The following SARDH variants were observed in gnomAD, a reference collection of about 807,000 sequenced individuals.
SARDH encodes sarcosine dehydrogenase.
SARDH carries 95 observed loss-of-function variants against 109.1 expected under a neutral mutation model. The ratio of observed to expected loss-of-function variants is 0.87; its 90% CI spans 0.74 to 1.03. The LOEUF (loss-of-function observed/expected upper bound fraction) is 1.03, where lower values mean the gene tolerates loss of function less well. Ranked by LOEUF, SARDH falls within the 50% of genes least tolerant of loss-of-function variation. The pLI, the probability that SARDH is intolerant of heterozygous loss-of-function variation, is 0.00. For synonymous variants in SARDH, 572 were observed against 534.8 expected (o/e 1.07, Z -0.96); for missense variants, 1,267 against 1,287.8 (o/e 0.98, Z 0.25).
chr9:133,723,174 G>C (rs1832383758), intron 6 of SARDH, among the ~76,000 whole-genome samples: 1 of 152,172 alleles, frequency 6.6e-6, no homozygotes, highest in East Asian at 1.9e-4. Flanking sequence ...TTCATGAAAT[G>C]AAAGACTTAT....
intron 6 of SARDH, among the ~76,000 whole-genome samples, chr9:133,726,905 AC>A (rs1832513118): frequency 6.6e-6 from 1 of 151,816 alleles, no homozygotes; most frequent in Admixed American, 6.6e-5. Context: ...CAGCTGCATC[AC>A]TCTGTCCTTC....
In SARDH at chr9:133,704,802, T is replaced by C; in HGVS notation, c.1554+146A>G. On this transcript the variant is annotated intron_variant, in intron 12 of 20. Transcript: ENST00000439388. This position sits in a 1 kb window ranked among gnomAD's most constrained non-coding sequence, Gnocchi z 4.5. The stretch of plus-strand genomic sequence containing the variant: ...TGGGGGCAGGTCGGCAGGGCTCGGC[T>C]TCCCGTGTGCAGAATAACTGATCAC... 1 of 681,106 alleles carries C rather than the reference T, an allele frequency of 1.5e-6. No homozygotes were observed. The highest frequency in any genetic ancestry group is 2.5e-6 in the Non-Finnish European group (1 of 392,504). 42.2% of individuals were successfully genotyped at this position (681,106 alleles called of 1,614,324 possible). A position where few individuals can be genotyped will look rare whatever the true frequency, so the allele number is the denominator to read the frequency against.
chr9:133,707,615 A>G (rs1207078230), intron 11 of SARDH, among the ~76,000 whole-genome samples: 1 of 152,142 alleles, frequency 6.6e-6, no homozygotes, highest in East Asian at 1.9e-4. Context: ...CTGTTCAACA[A>G]ACATCCCCCG....
chr9:133,669,458 TCCCCGGATACCTGTGCTTCAGACC>T (rs1830256879), intron 19 of SARDH, among the ~76,000 whole-genome samples: 1 of 150,596 alleles, frequency 6.6e-6, no homozygotes, highest in African/African-American at 2.4e-5. Flanking sequence ...GCCGCCCACT[TCCCCGGATACCTGTGCTTCAGACC>T]CCCGTGGGCA....
chr9:133,699,071 C>G (rs2502743), intron 13 of SARDH, among the ~76,000 whole-genome samples: 121,706 of 152,244 alleles, frequency 0.8, 49,537 homozygotes, highest in East Asian at 0.92. Flanking sequence ...AGACAGTCGG[C>G]TGCGGTGGCT....
At position 133,718,902 on chromosome 9, in the gene SARDH, A is replaced by G. The variant is rs762044811; in HGVS notation, c.1020+36T>C. Reference sequence around the variant, plus strand: ...CTCTCCATGCTGAGATGCAGCCCCAACTCCCTCCCATTATCCCAGGGCCCT... The same window carrying G: ...CTCTCCATGCTGAGATGCAGCCCCAGCTCCCTCCCATTATCCCAGGGCCCT... On this transcript the variant is annotated intron_variant, in intron 7 of 20. Transcript: ENST00000439388. The surrounding 1 kb of genome is among the most constrained non-coding windows in gnomAD (Gnocchi z 4.2). The G allele has an allele frequency of 3.3e-6, 5 of 1,497,274 alleles. No homozygotes were observed. Among genetic ancestry groups the G allele is most frequent in the African/African-American group, 2.8e-5 (2 of 72,250 alleles). The allele number at this position is 1,497,274 out of a possible 1,614,324, so 92.7% of individuals were successfully genotyped here. A position where few individuals can be genotyped will look rare whatever the true frequency, so the allele number is the denominator to read the frequency against.
At chr9:133,681,684 C>T (rs940283490) in intron 17 of SARDH, among the ~76,000 whole-genome samples, 1 of 152,202 alleles carries the variant, frequency 6.6e-6, no homozygotes, top group Non-Finnish European at 1.5e-5. Flanking sequence ...GGGAACGGAT[C>T]GTTAAGTTTA....
chr9:133,723,810 A>G (rs1324232085), intron 6 of SARDH, among the ~76,000 whole-genome samples: 1 of 152,164 alleles, frequency 6.6e-6, no homozygotes, highest in Non-Finnish European at 1.5e-5. Flanking sequence ...GAGTCAATTG[A>G]TTTTCAGCAA....
chr9:133,681,028 C>T lies in SARDH; in HGVS notation c.2163+4165G>A, dbSNP rs560033733. 5.3e-5 allele frequency among the ~76,000 whole-genome samples: 8 copies of T among 152,354 alleles called. No individual in the cohort carries two copies. The South Asian group carries it at 6.2e-4, about 12-fold the overall frequency. On this transcript the variant is annotated intron_variant, in intron 17 of 20. Transcript: ENST00000439388. ...CAGCCCAGGTGACAGTAAATCTGTG[C>T]GCTAAGGTCGTCTGTCTTCCTAAGG...
intron 17 of SARDH, among the ~76,000 whole-genome samples, chr9:133,675,877 G>A (rs1814545591): frequency 6.6e-6 from 1 of 152,108 alleles, no homozygotes. Flanking sequence ...GACTGCTTGA[G>A]CCCAGGAGTC....
At chr9:133,719,417 G>A (rs1244583666) in intron 6 of SARDH, among the ~76,000 whole-genome samples, 1 of 152,130 alleles carries the variant, frequency 6.6e-6, no homozygotes, top group Non-Finnish European at 1.5e-5. Context: ...AGGACGCAGA[G>A]TGGATGGAGG....
In SARDH at chr9:133,702,973, G is replaced by A; in HGVS notation, c.1611C>T (p.Ala537=). The A allele has an allele frequency of 1.2e-6, 2 of 1,613,480 alleles. No homozygotes were observed. Among genetic ancestry groups the A allele is most frequent in the Non-Finnish European group, 1.7e-6 (2 of 1,179,996 alleles). Residue 537 remains alanine, a synonymous_variant, in exon 13 of 21, where the codon GCC becomes GCT. Transcript: ENST00000439388. The stretch of plus-strand genomic sequence containing the variant: ...ACTCGTCTGCCAGCAGCCTGCGGTA[G>A]GCGTAGTCCTCGTGCGCGCGGCTCC... The part of the protein sequence containing the change: ...AYGSRAHEDY[A]YRRLLADEYT...
At chr9:133,731,839 T>C (rs1325068847) in intron 3 of SARDH, among the ~76,000 whole-genome samples, 1 of 152,132 alleles carries the variant, frequency 6.6e-6, no homozygotes, top group East Asian at 1.9e-4. Flanking sequence ...GTCTATTATA[T>C]AAGATAAATA....
At position 133,728,427 on chromosome 9, in the gene SARDH, C is replaced by G. The variant is rs1293057130; in HGVS notation, c.915+1338G>C. Among the ~76,000 whole-genome samples, 1 of 152,164 alleles carries G rather than the reference C, an allele frequency of 6.6e-6. No individual in the cohort carries two copies. The highest frequency in any genetic ancestry group is 1.5e-5 in the Non-Finnish European group (1 of 68,010). On this transcript the variant is annotated intron_variant, in intron 6 of 20. Coordinates refer to ENST00000439388, the MANE Select transcript of SARDH (RefSeq NM_001134707.2). This position sits in a 1 kb window ranked among gnomAD's most constrained non-coding sequence, Gnocchi z 5.0. ...GGCCCTGACCCTAAACAAGGGCAGTCTGTTCTCACACTGACCCTGCCCCAC... is the reference window on the plus strand; with the variant it reads ...GGCCCTGACCCTAAACAAGGGCAGTGTGTTCTCACACTGACCCTGCCCCAC...
chr9:133,715,128 C>T (rs1429874514), intron 8 of SARDH, among the ~76,000 whole-genome samples: 2 of 152,132 alleles, frequency 1.3e-5, no homozygotes, highest in East Asian at 3.9e-4. Context: ...CTCCCTAAGT[C>T]ACGGGGGCCT....
intron 14 of SARDH, among the ~76,000 whole-genome samples, chr9:133,695,200 T>C (rs950909329): frequency 1.3e-5 from 2 of 152,158 alleles, no homozygotes; most frequent in Admixed American, 6.5e-5. Context: ...CCCAGCACTT[T>C]GGGAGGCTGA....
intron 11 of SARDH, among the ~76,000 whole-genome samples, chr9:133,707,831 C>T (rs1445366035): frequency 6.6e-6 from 1 of 152,146 alleles, no homozygotes; most frequent in Non-Finnish European, 1.5e-5. Context: ...GTGGGTTTCA[C>T]TGAATGGGTG....
intron 6 of SARDH, among the ~76,000 whole-genome samples, chr9:133,726,326 C>T (rs1472971830): frequency 7.7e-6 from 1 of 129,932 alleles, no homozygotes; most frequent in African/African-American, 2.9e-5. Context: ...TATGATCATG[C>T]CACTGCACTC....
At chr9:133,735,945 C>G (rs540591844) in intron 1 of SARDH, among the ~76,000 whole-genome samples, 3 of 151,356 alleles carry the variant, frequency 2.0e-5, no homozygotes, top group Admixed American at 1.3e-4. Flanking sequence ...GAGGCTGAGA[C>G]AGGAGACTTG....
Sources: allele counts gnomAD v4.1 joint callset (sites outside exome capture counted in the v4.1 genomes callset), GRCh38; gene constraint gnomAD v4.1.1; non-coding constraint Gnocchi (gnomAD v3.1); transcripts MANE v1.5; gene names NCBI Gene and HGNC (gene_info 2026-07-23, HGNC 2026-07-21).